Variants in MYCBPAP observed in about 807,000 individuals in gnomAD.
MYCBPAP encodes MYCBP associated protein, also known as MYCBP-associated protein.
A neutral mutation model predicts 106.1 loss-of-function variants in MYCBPAP; 60 were observed. That is an observed-to-expected ratio of 0.57 (90% CI 0.46 to 0.70). The LOEUF (loss-of-function observed/expected upper bound fraction) is 0.70. MYCBPAP is among the 30% of genes least tolerant of loss of function. The probability of loss-of-function intolerance (pLI) is 0.00; values close to 1 mark genes in which losing one functional copy is unlikely to be tolerated. For synonymous variants in MYCBPAP, 407 were observed against 440.6 expected (o/e 0.92, Z 0.95); for missense variants, 1,064 against 1,169.3 (o/e 0.91, Z 1.31).
intron 6 of MYCBPAP, 193 bp downstream of exon 6, chr17:50,519,282 T>C: frequency 1.7e-6 from 1 of 595,952 alleles, no homozygotes; most frequent in Non-Finnish European, 3.0e-6. Flanking sequence ...TTATTCAGCC[T>C]GTGGTGACCA....
chr17:50,527,996 G>T (rs1597848901), intron 15 of MYCBPAP, among the ~76,000 whole-genome samples, 159 bp from the exon 16 acceptor site: 1 of 152,194 alleles, frequency 6.6e-6, no homozygotes, highest in African/African-American at 2.4e-5. Flanking sequence ...CCAAGCACTT[G>T]CCCTGGCGGG....
chr17:50,526,269 T>C lies in MYCBPAP; in HGVS notation c.2169+2T>C. 6.3e-7 allele frequency: 1 copy of C among 1,596,152 alleles called. No individual in the cohort carries two copies. Among genetic ancestry groups the C allele is most frequent in the Non-Finnish European group, 8.5e-7 (1 of 1,174,188 alleles). ...CTCTGCTTGGAGGACTTCAGAAAGG[T>C]GCTTCCAAGACCCTGGAAGGCAATG... On this transcript the variant is annotated splice_donor_variant, in intron 14 of 18. Coordinates refer to ENST00000323776, the MANE Select transcript of MYCBPAP (RefSeq NM_032133.6). LOFTEE classifies it high-confidence loss of function.
At chr17:50,529,844 G>C (rs1211803627) in intron 18 of MYCBPAP, 2 of 456,470 alleles carry the variant, frequency 4.4e-6, no homozygotes, top group Non-Finnish European at 8.8e-6. Context: ...TGAAGGACTA[G>C]AGAGACTTCA....
In MYCBPAP at chr17:50,526,004, G is replaced by A. The variant is rs200776275; in HGVS notation, c.1906G>A (p.Glu636Lys). Residue 636 changes from glutamate to lysine, a missense_variant, in exon 14 of 19, where the codon GAG becomes AAG. Transcript: ENST00000323776. The part of the protein sequence containing the change: ...DKEHVSPIAT[E>K]KASVNAELLP... ...GGAGCACGTCAGCCCCATAGCCACA[G>A]AGAAGGCCTCTGTGAATGCTGAGCT... 7.0e-5 allele frequency: 113 copies of A among 1,613,842 alleles called. No individual in the cohort carries two copies. The highest frequency in any genetic ancestry group is 2.8e-4 in the Admixed American group (17 of 59,994).
At chr17:50,515,226 C>T (rs573746620) in intron 1 of MYCBPAP, among the ~76,000 whole-genome samples, 1 of 152,128 alleles carries the variant, frequency 6.6e-6, no homozygotes, top group Non-Finnish European at 1.5e-5. Flanking sequence ...CCTCCCACGC[C>T]CGCCGACTCA....
upstream of MYCBPAP, chr17:50,508,281 A>C: frequency 1.4e-5 from 5 of 365,084 alleles, no homozygotes; most frequent in East Asian, 5.4e-5. Flanking sequence ...GGGCGGGGCG[A>C]GGCGGGTCAT....
intron 1 of MYCBPAP, chr17:50,509,469 C>T (rs1356275345): frequency 4.0e-6 from 1 of 250,204 alleles, no homozygotes; most frequent in Admixed American, 4.9e-5. Context: ...TGCAACCCAC[C>T]CCCTTTTGAT....
At chr17:50,528,347 G>A in intron 16 of MYCBPAP, 77 bp downstream of exon 16, 2 of 1,248,864 alleles carry the variant, frequency 1.6e-6, no homozygotes, top group Non-Finnish European at 2.3e-6. Flanking sequence ...CAGTGCCTGG[G>A]CCAGTCATAC....
Position 50,523,777 on chromosome 17 carries a change from T to C in MYCBPAP, c.1628T>C (p.Val543Ala), listed in dbSNP as rs1283922854. The part of the protein sequence containing the change: ...TQDVFEDERK[V>A]LESKLTAHEA... ...GACGTTTTTGAGGATGAGAGGAAAG[T>C]ACTGGAGGTAAGGGACCCAGGACCA... Residue 543 changes from valine (V) to alanine (A), a missense_variant, in exon 12 of 19, where the codon GTA (valine) becomes GCA (alanine). By Grantham distance (64) the Val-to-Ala change is moderately conservative. Transcript: ENST00000323776. 6.2e-7 allele frequency: 1 copy of C among 1,613,918 alleles called. No homozygotes were observed. The highest frequency in any genetic ancestry group is 1.7e-5 in the Admixed American group (1 of 59,964).
At chr17:50,518,514 T>G in intron 4 of MYCBPAP, 27 bp from the exon 5 acceptor site, 1 of 1,527,696 alleles carries the variant, frequency 6.5e-7, no homozygotes, top group Non-Finnish European at 8.8e-7. Context: ...CTTACTGCCC[T>G]CCACATACCT....
At chr17:50,518,432 C>G in intron 4 of MYCBPAP, 109 bp from the exon 5 acceptor site, 1 of 922,806 alleles carries the variant, frequency 1.1e-6, no homozygotes, top group Non-Finnish European at 1.6e-6. Context: ...AGAGGAGGGA[C>G]TCTCAGCGCA....
In MYCBPAP at chr17:50,519,407, A is replaced by G. The variant is rs185182452; in HGVS notation, c.769-233A>G. The G allele has an allele frequency of 8.6e-5, 51 of 595,942 alleles. No homozygotes were observed. The Admixed American group carries it at 1.2e-3, about 14-fold the overall frequency. The allele number at this position is 595,942 out of a possible 1,614,324, so 36.9% of individuals were successfully genotyped here. ...AGAGTCCCCCACCTTTTTTTCTGGTAGACCAGTGCAGTACCTGTACCAACC... is the reference window on the plus strand; with the variant it reads ...AGAGTCCCCCACCTTTTTTTCTGGTGGACCAGTGCAGTACCTGTACCAACC... On this transcript the variant is annotated intron_variant, in intron 6 of 18. Coordinates refer to ENST00000323776, the MANE Select transcript of MYCBPAP (RefSeq NM_032133.6).
rs112037559 is a variant in MYCBPAP, at chr17:50,509,860, C to T, written c.76+1110C>T. The T allele has an allele frequency of 8.7e-4, 132 of 152,226 alleles. 1 individual carries two copies. Among genetic ancestry groups the T allele is most frequent in the African/African-American group, 2.9e-3 (121 of 41,510 alleles). 9.4% of individuals were successfully genotyped at this position (152,226 alleles called of 1,614,324 possible). On this transcript the variant is annotated intron_variant, in intron 1 of 18. Coordinates refer to ENST00000323776, the MANE Select transcript of MYCBPAP (RefSeq NM_032133.6). ...CAAATGCTGTGATGTAGGTGCCCAT[C>T]GGGCTTAAGGGGGCTCAGAGCACCT...
In MYCBPAP at chr17:50,518,741, G is replaced by C. The variant is rs1245671052; in HGVS notation, c.652+17G>C. 2.6e-6 allele frequency: 4 copies of C among 1,559,366 alleles called. No individual in the cohort carries two copies. Among genetic ancestry groups the C allele is most frequent in the Non-Finnish European group, 3.5e-6 (4 of 1,156,280 alleles). ...CCCTCAGCGGTGAGCAGAGCAGACA[G>C]GGCTCCCGCCCGGCCTCCATCTGGC... On this transcript the variant is annotated intron_variant, in intron 5 of 18. Coordinates refer to ENST00000323776, the MANE Select transcript of MYCBPAP (RefSeq NM_032133.6).
At chr17:50,519,123 G>A (rs1191996476) in intron 6 of MYCBPAP, 34 bp downstream of exon 6, 2 of 1,516,926 alleles carry the variant, frequency 1.3e-6, no homozygotes, top group East Asian at 2.3e-5. Context: ...CCGGGGGCAG[G>A]GGGGTCCATG....
chr17:50,529,760 G>A (rs999358173), intron 18 of MYCBPAP: 15 of 456,548 alleles, frequency 3.3e-5, no homozygotes, highest in African/African-American at 8.0e-5. Context: ...CTTACTCCCC[G>A]TTAGGTGCAT....
chr17:50,529,146 C>T lies in MYCBPAP; in HGVS notation c.2682C>T (p.Asp894=), dbSNP rs765803434. The T allele has an allele frequency of 6.2e-7, 1 of 1,613,482 alleles. No homozygotes were observed. The highest frequency in any genetic ancestry group is 8.5e-7 in the Non-Finnish European group (1 of 1,180,024). The change falls in exon 18 of 19, where the codon GAC becomes GAT. Residue 894 remains aspartate (D), a synonymous_variant. Transcript: ENST00000323776. ...DIILSSQEPI[D]PLVMGKYTQS... ...TCCTCTCTTCTCAAGAACCCATAGA[C>T]CCCCTGGTCATGGGGAAATACACCC...
At chr17:50,531,205 T>G (rs2034630827) in intron 18 of MYCBPAP, 122 bp from the exon 19 acceptor site, 7 of 645,866 alleles carry the variant, frequency 1.1e-5, no homozygotes, top group South Asian at 2.7e-5. Context: ...TTTGAACTTG[T>G]GAAATTCTTT....
At chr17:50,518,447 G>A (rs891354115) in intron 4 of MYCBPAP, 94 bp from the exon 5 acceptor site, 1 of 1,126,998 alleles carries the variant, frequency 8.9e-7, no homozygotes, top group Non-Finnish European at 1.2e-6. Context: ...AGCGCAGTGG[G>A]ATAACAGCAC....
Sources: allele counts gnomAD v4.1 joint callset (sites outside exome capture counted in the v4.1 genomes callset), GRCh38; gene constraint gnomAD v4.1.1; transcripts MANE v1.5; gene names NCBI Gene and HGNC (gene_info 2026-07-23, HGNC 2026-07-21).